SAMMSON: variants seen among roughly 807,000 people sequenced by gnomAD.
SAMMSON encodes long intergenic non-protein coding RNA 1212.
At chr3:70,400,920 A>C (rs557861279) in intron 2 of SAMMSON, among the ~76,000 whole-genome samples, 1 of 152,302 alleles carries the variant, frequency 6.6e-6, no homozygotes, top group South Asian at 2.1e-4. Context: ...TGACAGAGCA[A>C]GACCCTGTCT....
At chr3:70,043,043 T>C (rs1182410470) in intron 3 of SAMMSON, among the ~76,000 whole-genome samples, 2 of 152,130 alleles carry the variant, frequency 1.3e-5, no homozygotes, top group African/African-American at 4.8e-5. Context: ...GTTGTCCTTT[T>C]TCATGTATAT....
chr3:70,167,499 T>C (rs2106696721), intron 4 of SAMMSON, among the ~76,000 whole-genome samples: 1 of 152,088 alleles, frequency 6.6e-6, no homozygotes, highest in Non-Finnish European at 1.5e-5. Context: ...ACACATTGTA[T>C]TTTGAGCAAT....
intron 4 of SAMMSON, among the ~76,000 whole-genome samples, chr3:70,092,690 C>T (rs1196906472): frequency 2.0e-5 from 3 of 152,066 alleles, no homozygotes; most frequent in Admixed American, 6.6e-5. Context: ...AGCACACAGT[C>T]GGAGCTTAAT....
intron 6 of SAMMSON, among the ~76,000 whole-genome samples, chr3:70,252,368 G>T (rs1036211650): frequency 6.6e-6 from 1 of 152,208 alleles, no homozygotes; most frequent in Non-Finnish European, 1.5e-5. Flanking sequence ...TTGCTTCAGT[G>T]TATGACTTTT....
chr3:70,072,482 T>A, intron 4 of SAMMSON: 1 of 151,664 alleles, frequency 6.6e-6, no homozygotes, highest in South Asian at 2.1e-4. Flanking sequence ...TGCTCACCCT[T>A]CATTCTGTGA....
chr3:70,198,741 A>G (rs2106718048), intron 4 of SAMMSON, among the ~76,000 whole-genome samples: 1 of 152,318 alleles, frequency 6.6e-6, no homozygotes, highest in South Asian at 2.1e-4. Context: ...TTCAGGCAGC[A>G]TATTCCACAA....
intron 7 of SAMMSON, among the ~76,000 whole-genome samples, chr3:70,345,158 C>G (rs1269321767): frequency 6.6e-6 from 1 of 152,184 alleles, no homozygotes; most frequent in East Asian, 1.9e-4. Flanking sequence ...TACTAATTTT[C>G]TCCCCTTGCT....
intron 4 of SAMMSON, among the ~76,000 whole-genome samples, chr3:70,101,398 G>GAA (rs5849940): frequency 4.0e-5 from 6 of 148,162 alleles, no homozygotes; most frequent in African/African-American, 1.5e-4. Context: ...CATTTTTTAT[G>GAA]AAAAAAAAAC....
At chr3:70,159,877 A>G (rs2067608097) in intron 4 of SAMMSON, among the ~76,000 whole-genome samples, 1 of 151,988 alleles carries the variant, frequency 6.6e-6, no homozygotes, top group African/African-American at 2.4e-5. Flanking sequence ...AATTATAGCC[A>G]TTCTAGTGAG....
chr3:70,045,657 C>A (rs999792031), intron 3 of SAMMSON, among the ~76,000 whole-genome samples: 13 of 151,932 alleles, frequency 8.6e-5, no homozygotes, highest in African/African-American at 2.9e-4. Context: ...CAAAGTGAAG[C>A]GACTAGTGAA....
intron 6 of SAMMSON, chr3:70,272,195 T>G (rs1054851938): frequency 6.6e-6 from 1 of 152,212 alleles, no homozygotes; most frequent in African/African-American, 2.4e-5. Flanking sequence ...AAATGCATAG[T>G]GGGGGTTTGA....
At position 70,239,279 on chromosome 3, in the gene SAMMSON, C is replaced by G. The variant is rs74738025; in HGVS notation, n.508-9828C>G. Among the ~76,000 whole-genome samples, 795 of 151,874 alleles carry G rather than the reference C, an allele frequency of 5.2e-3. 9 individuals carry two copies. The highest frequency in any genetic ancestry group is 0.018 in the African/African-American group (756 of 41,492). Reference sequence around the variant, plus strand: ...GATTTCAAAGATTGTTTTAAAAAATCAAATGGTTTTCACAGTTTCTTTCTT... The same window carrying G: ...GATTTCAAAGATTGTTTTAAAAAATGAAATGGTTTTCACAGTTTCTTTCTT... On this transcript the variant is annotated intron_variant and non_coding_transcript_variant, in intron 4 of 9. Coordinates refer to ENST00000642114, the Ensembl canonical transcript of SAMMSON.
chr3:70,203,194 G>C (rs538007302), intron 4 of SAMMSON, among the ~76,000 whole-genome samples: 5 of 152,192 alleles, frequency 3.3e-5, no homozygotes, highest in African/African-American at 1.2e-4. Context: ...AAAAGAGCCA[G>C]CATGATACCA....
chr3:70,287,060 G>C (rs1357281975), intron 6 of SAMMSON, among the ~76,000 whole-genome samples: 1 of 144,340 alleles, frequency 6.9e-6, no homozygotes, highest in East Asian at 2.0e-4. Flanking sequence ...TCCTTCTCCT[G>C]CCTAATTGCC....
At chr3:70,210,295 A>G (rs1444511208) in intron 4 of SAMMSON, among the ~76,000 whole-genome samples, 1 of 152,120 alleles carries the variant, frequency 6.6e-6, no homozygotes, top group Non-Finnish European at 1.5e-5. Context: ...TTAAACTGCC[A>G]TTCATAAAGT....
At chr3:70,146,376 A>G (rs1368757448) in intron 4 of SAMMSON, among the ~76,000 whole-genome samples, 1 of 152,046 alleles carries the variant, frequency 6.6e-6, no homozygotes, top group African/African-American at 2.4e-5. Context: ...AGAAAACTAT[A>G]GGAAAATATC....
At chr3:70,380,144 G>A (rs1416619318) in intron 9 of SAMMSON, among the ~76,000 whole-genome samples, 1 of 152,064 alleles carries the variant, frequency 6.6e-6, no homozygotes, top group East Asian at 1.9e-4. Context: ...TCATTCTAGA[G>A]CAGTGTTTTC....
chr3:70,054,996 TTGA>T (rs1244822440), intron 3 of SAMMSON, among the ~76,000 whole-genome samples: 1 of 152,162 alleles, frequency 6.6e-6, no homozygotes, highest in Admixed American at 6.5e-5. Context: ...GAAATGCTAT[TTGA>T]TGATGTCAAG....
At chr3:70,036,569 G>C (rs1301563469) in intron 3 of SAMMSON, among the ~76,000 whole-genome samples, 1 of 152,148 alleles carries the variant, frequency 6.6e-6, no homozygotes. Context: ...TAGCTTTGCA[G>C]AAAATATGCT....
Sources: allele counts gnomAD v4.1 joint callset (sites outside exome capture counted in the v4.1 genomes callset), GRCh38; gene constraint gnomAD v4.1.1; transcripts MANE v1.5; gene names NCBI Gene and HGNC (gene_info 2026-07-23, HGNC 2026-07-21).